Variants in IMPG2 observed in about 807,000 individuals in gnomAD.
The protein encoded by IMPG2 is interphotoreceptor matrix proteoglycan 2, also known as IPM 200.
A neutral mutation model predicts 129.2 loss-of-function variants in IMPG2; 91 were observed. The ratio of observed to expected loss-of-function variants is 0.70; its 90% confidence interval spans 0.59 to 0.84. IMPG2 has a LOEUF of 0.84. Among genes scored for constraint, IMPG2 ranks in the 40% least tolerant of loss-of-function variants. IMPG2 has a pLI of 0.00. For missense variants in IMPG2, 1,430 were observed against 1,461.7 expected, an observed-to-expected ratio of 0.98 and a Z score of 0.35; for synonymous variants, 510 against 517.7, an observed-to-expected ratio of 0.99 and a Z score of 0.20.
At chr3:101,236,940 G>A (rs778715083) in intron 14 of IMPG2, among the ~76,000 whole-genome samples, 3 of 152,126 alleles carry the variant, frequency 2.0e-5, no homozygotes, top group African/African-American at 4.8e-5. Context: ...CCACCCCCAC[G>A]GAGCACAGCA....
At chr3:101,241,209 G>A (rs1021851460) in intron 14 of IMPG2, among the ~76,000 whole-genome samples, 15 of 152,108 alleles carry the variant, frequency 9.9e-5, no homozygotes, top group African/African-American at 3.4e-4. Context: ...TAACTCTCTA[G>A]GGGAAAAGAA....
chr3:101,230,863 C>T, intron 16 of IMPG2, 94 bp downstream of exon 16: 3 of 1,103,596 alleles, frequency 2.7e-6, no homozygotes, highest in South Asian at 1.3e-5. Flanking sequence ...TCCACCCAGC[C>T]AGCTCCTTGT....
rs1309168549 is a variant in IMPG2 at position 101,224,712 on chromosome 3, G to A, written c.*2257C>T. The A allele has an allele frequency of 6.6e-6, 1 of 152,224 alleles. No homozygotes were observed. The highest frequency in any genetic ancestry group is 1.5e-5 in the Non-Finnish European group (1 of 68,038). 9.4% of individuals were successfully genotyped at this position (152,224 alleles called of 1,614,324 possible). On this transcript the variant is annotated 3_prime_UTR_variant, in exon 19 of 19. Coordinates refer to ENST00000193391, the MANE Select transcript of IMPG2 (RefSeq NM_016247.4). ...AGTGGTTCAGCTATAGCAAAGGCAG[G>A]ACAAAAGTTGTATTCCTCAACTGAG...
At chr3:101,234,737 G>A (rs1010619670) in intron 14 of IMPG2, among the ~76,000 whole-genome samples, 1 of 152,152 alleles carries the variant, frequency 6.6e-6, no homozygotes, top group Non-Finnish European at 1.5e-5. Context: ...TGAGGAAGAT[G>A]GTACTGCATA....
chr3:101,274,730 T>A (rs1706822868), intron 6 of IMPG2, among the ~76,000 whole-genome samples: 1 of 152,244 alleles, frequency 6.6e-6, no homozygotes, highest in Admixed American at 6.5e-5. Context: ...ATTCTACAAA[T>A]GTTTCCAGAT....
At chr3:101,229,321 C>CAG in intron 17 of IMPG2, 59 bp downstream of exon 17, 1 of 864,558 alleles carries the variant, frequency 1.2e-6, no homozygotes. Context: ...CCACCCCCTG[C>CAG]TCCCCCACAC....
At position 101,291,486 on chromosome 3, in the gene IMPG2, C is replaced by T. The variant is rs1707008558; in HGVS notation, c.526G>A (p.Val176Ile). Reference protein sequence around the residue: ...MKKLTYAKETVSSSELSSPVP... With the variant: ...MKKLTYAKETISSSELSSPVP... ...GGAAAAAGAGACACTCACCTGCTTACAGTTTCCTTTGCATAAGTCAGTTTC... is the reference window on the plus strand; with the variant it reads ...GGAAAAAGAGACACTCACCTGCTTATAGTTTCCTTTGCATAAGTCAGTTTC... The change falls in exon 4 of 19, where the codon GTA (valine) becomes ATA (isoleucine). Residue 176 changes from valine to isoleucine, a missense_variant. Physicochemically the swap from Val to Ile is conservative, Grantham distance 29. Transcript: ENST00000193391. The T allele has an allele frequency of 6.2e-7, 1 of 1,612,990 alleles. No homozygotes were observed. The highest frequency in any genetic ancestry group is 8.5e-7 in the Non-Finnish European group (1 of 1,179,072).
At chr3:101,299,658 T>G (rs1484945682) in intron 3 of IMPG2, among the ~76,000 whole-genome samples, 1 of 152,204 alleles carries the variant, frequency 6.6e-6, no homozygotes, top group East Asian at 1.9e-4. Flanking sequence ...GTCCCTCTTC[T>G]GTAGGGCTGC....
chr3:101,274,954 CT>C (rs961754893), intron 6 of IMPG2, among the ~76,000 whole-genome samples: 1 of 151,914 alleles, frequency 6.6e-6, no homozygotes, highest in Non-Finnish European at 1.5e-5. Flanking sequence ...AGTGGAGCGA[CT>C]TAACCTGATT....
rs1030134239 is a variant in IMPG2 at position 101,223,543 on chromosome 3, T to C, written c.*3426A>G. The C allele has an allele frequency of 1.3e-5, 2 of 152,120 alleles. No homozygotes were observed. Among genetic ancestry groups the C allele is most frequent in the Non-Finnish European group, 2.9e-5 (2 of 68,018 alleles). 9.4% of individuals were successfully genotyped at this position (152,120 alleles called of 1,614,324 possible). Reference sequence around the variant, plus strand: ...AAATAACATAAAGCTACCAAAAAAATCATGAAATGGAAGTCAAACTTATAA... The same window carrying C: ...AAATAACATAAAGCTACCAAAAAAACCATGAAATGGAAGTCAAACTTATAA... On this transcript the variant is annotated 3_prime_UTR_variant, in exon 19 of 19. Coordinates refer to ENST00000193391, the MANE Select transcript of IMPG2 (RefSeq NM_016247.4).
chr3:101,243,403 T>A, intron 13 of IMPG2, 126 bp downstream of exon 13: 1 of 826,876 alleles, frequency 1.2e-6, no homozygotes, highest in Admixed American at 2.1e-5. Flanking sequence ...TATTTGTGAA[T>A]GATAGGAAGT....
Position 101,243,644 on chromosome 3 carries a change from G to T in IMPG2, c.2687C>A (p.Ser896Ter), listed in dbSNP as rs1250859938. 6.2e-7 allele frequency: 1 copy of T among 1,613,944 alleles called. No homozygotes were observed. The highest frequency in any genetic ancestry group is 1.7e-5 in the Admixed American group (1 of 59,956). The change falls in exon 13 of 19, where the codon TCA becomes TAA. Residue 896 changes from serine to a stop codon, truncating the protein, a stop_gained. Transcript: ENST00000193391. LOFTEE classifies it high-confidence loss of function. The stretch of plus-strand genomic sequence containing the variant: ...GCTGAAGAAAACCACCAAAGCTCCT[G>T]AAGTCTGGGTATAACTCAAGTCATC... ...GGDDLSYTQT[S>*]GALVVFFSLR...
intron 3 of IMPG2, among the ~76,000 whole-genome samples, chr3:101,292,755 A>G (rs975872468): frequency 2.6e-5 from 4 of 152,196 alleles, no homozygotes; most frequent in African/African-American, 7.2e-5. Context: ...ATTGGAGTCA[A>G]TCTTCTCAAA....
At chr3:101,302,395 G>A (rs2107135647) in intron 3 of IMPG2, among the ~76,000 whole-genome samples, 1 of 152,252 alleles carries the variant, frequency 6.6e-6, no homozygotes, top group East Asian at 1.9e-4. Context: ...ATGTATATGT[G>A]TGTGTATGTC....
chr3:101,241,261 C>T (rs1284879665), intron 14 of IMPG2, among the ~76,000 whole-genome samples: 1 of 152,174 alleles, frequency 6.6e-6, no homozygotes, highest in African/African-American at 2.4e-5. Context: ...AAGACTCAGT[C>T]TAGACTACAG....
chr3:101,273,734 A>G lies in IMPG2; in HGVS notation c.675T>C (p.Asn225=), dbSNP rs1233159206. 3 of 1,613,806 alleles carry G rather than the reference A, an allele frequency of 1.9e-6. No homozygotes were observed. Among genetic ancestry groups the G allele is most frequent in the Non-Finnish European group, 2.5e-6 (3 of 1,179,840 alleles). Residue 225 remains asparagine, a synonymous_variant, in exon 7 of 19, where the codon AAT becomes AAC. Coordinates refer to ENST00000193391, the MANE Select transcript of IMPG2 (RefSeq NM_016247.4). The stretch of plus-strand genomic sequence containing the variant: ...CTTCTTCTATCACATTCTCAATTTC[A>G]TTGCTAATCTGAATTTTTAGAGAAA... ...SLERPEESIS[N]EIENVIEEAT... is the part of the protein sequence containing the mutation.
chr3:101,251,925 G>A (rs72930579), intron 11 of IMPG2, among the ~76,000 whole-genome samples: 3,282 of 152,192 alleles, frequency 0.022, 112 homozygotes, highest in African/African-American at 0.075. Context: ...AAAGAAAGTA[G>A]TAACTAGACA....
intron 4 of IMPG2, among the ~76,000 whole-genome samples, chr3:101,281,899 C>T (rs565894725): frequency 6.6e-6 from 1 of 152,278 alleles, no homozygotes; most frequent in East Asian, 1.9e-4. Flanking sequence ...AAAACAGATT[C>T]TCCCCTACAG....
chr3:101,229,932 G>A (rs1706268195), intron 16 of IMPG2, among the ~76,000 whole-genome samples: 1 of 152,192 alleles, frequency 6.6e-6, no homozygotes, highest in African/African-American at 2.4e-5. Flanking sequence ...TATACACATT[G>A]AAAATCAGTG....
Sources: allele counts gnomAD v4.1 joint callset (sites outside exome capture counted in the v4.1 genomes callset), GRCh38; gene constraint gnomAD v4.1.1; transcripts MANE v1.5; gene names NCBI Gene and HGNC (gene_info 2026-07-23, HGNC 2026-07-21).